Variants in RAPH1 observed in about 807,000 individuals in gnomAD.
RAPH1 encodes Ras association (RalGDS/AF-6) and pleckstrin homology domains 1, also known as ras-associated and pleckstrin homology domains-containing protein 1.
A neutral mutation model predicts 88.1 loss-of-function variants in RAPH1; 18 were observed. The observed-to-expected ratio is 0.20, with a 90% CI of 0.14 to 0.30. The LOEUF is 0.30. RAPH1 is among the 10% of genes least tolerant of loss of function. The pLI, the probability that RAPH1 is intolerant of heterozygous loss-of-function variation, is 1.00. For missense variants in RAPH1, 1,448 were observed against 1,543.2 expected, an observed-to-expected ratio of 0.94 and a Z score of 1.03; for synonymous variants, 587 against 559.0, an observed-to-expected ratio of 1.05 and a Z score of -0.71.
chr2:203,458,925 G>T (rs777135689), intron 7 of RAPH1, among the ~76,000 whole-genome samples: 3 of 152,050 alleles, frequency 2.0e-5, no homozygotes, highest in Non-Finnish European at 4.4e-5. Flanking sequence ...ACCACGCCCG[G>T]CTAATTTTTT....
intron 1 of RAPH1, among the ~76,000 whole-genome samples, chr2:203,525,933 G>C (rs367913246): frequency 6.6e-6 from 1 of 152,150 alleles, no homozygotes; most frequent in East Asian, 1.9e-4. Context: ...AAAGAAAACA[G>C]AGAGAAGGAA....
chr2:203,535,267 T>C lies in RAPH1; in HGVS notation c.-157A>G, dbSNP rs1209173735. ...CCGCGCCGCGCGCTCAGTGACTGAC[T>C]GACTGACTGACTGACTGACTGACTG... On this transcript the variant is annotated 5_prime_UTR_variant, in exon 1 of 14. Coordinates refer to ENST00000319170, the MANE Select transcript of RAPH1 (RefSeq NM_213589.3). 1.2e-4 allele frequency: 16 copies of C among 135,106 alleles called. No individual in the cohort carries two copies. The highest frequency in any genetic ancestry group is 3.5e-5 in the Non-Finnish European group (2 of 57,844). 8.4% of individuals were successfully genotyped at this position (135,106 alleles called of 1,614,324 possible).
chr2:203,450,828 A>C (rs2098514208), intron 10 of RAPH1, among the ~76,000 whole-genome samples: 1 of 152,012 alleles, frequency 6.6e-6, no homozygotes, highest in South Asian at 2.1e-4. Flanking sequence ...ACTTGACTGC[A>C]TAGGTGTTCA....
At chr2:203,500,271 G>A (rs143640628) in intron 1 of RAPH1, among the ~76,000 whole-genome samples, 3 of 152,330 alleles carry the variant, frequency 2.0e-5, no homozygotes, top group African/African-American at 4.8e-5. Flanking sequence ...GTGGAGACCT[G>A]AAGAGTGAAT....
Position 203,434,541 on chromosome 2 carries a change from C to A in RAPH1, c.*4896G>T. ...AAACATTCCAGTTAATGCTTATTTT[C>A]TAGAAGGGGTTATTTTACAAGTAGC... On this transcript the variant is annotated 3_prime_UTR_variant, in exon 14 of 14. Coordinates refer to ENST00000319170, the MANE Select transcript of RAPH1 (RefSeq NM_213589.3). The A allele has an allele frequency of 6.9e-6, 1 of 144,790 alleles. No individual in the cohort carries two copies. The highest frequency in any genetic ancestry group is 6.9e-5 in the Admixed American group (1 of 14,392). The allele number at this position is 144,790 out of a possible 1,614,324, so 9.0% of individuals were successfully genotyped here.
At chr2:203,518,635 C>G (rs1672624895) in intron 1 of RAPH1, among the ~76,000 whole-genome samples, 1 of 151,942 alleles carries the variant, frequency 6.6e-6, no homozygotes, top group African/African-American at 2.4e-5. Context: ...TGCTTGAGGC[C>G]AGGAGTTCAA....
rs1374870553 is a variant in RAPH1, at chr2:203,470,186, A to AAAAACAG, written c.733-8262_733-8261insCTGTTTT. On this transcript the variant is annotated intron_variant, in intron 4 of 13. Transcript: ENST00000319170. ...AAGAGCATGATCAAAAACAGAAATCATATTCTACCTACAAGGCAGTAAATA... is the reference window on the plus strand; with the variant it reads ...AAGAGCATGATCAAAAACAGAAATCAAAAACAGTATTCTACCTACAAGGCAGTAAATA... The AAAAACAG allele has an allele frequency of 1.4e-5, 16 of 1,169,294 alleles. No individual in the cohort carries two copies. The African/African-American group carries it at 2.2e-4, about 16-fold the overall frequency. The allele number at this position is 1,169,294 out of a possible 1,614,324, so 72.4% of individuals were successfully genotyped here. A position where few individuals can be genotyped will look rare whatever the true frequency, so the allele number is the denominator to read the frequency against.
chr2:203,500,829 G>A (rs1043575133), intron 1 of RAPH1, among the ~76,000 whole-genome samples: 2 of 152,076 alleles, frequency 1.3e-5, no homozygotes, highest in Non-Finnish European at 2.9e-5. Context: ...GGTACCATGA[G>A]GATCCATCAT....
rs1274059383 is a variant in RAPH1, at chr2:203,454,453, T to C, written c.1390A>G (p.Thr464Ala). 6 of 1,612,394 alleles carry C rather than the reference T, an allele frequency of 3.7e-6. No individual in the cohort carries two copies. The highest frequency in any genetic ancestry group is 5.1e-6 in the Non-Finnish European group (6 of 1,178,856). Residue 464 changes from threonine to alanine, a missense_variant, in exon 10 of 14, where the codon ACA becomes GCA. Transcript: ENST00000319170. ...QDYRNKYKAPTDYCLVLKHPQ... is the reference protein window; with the variant it reads ...QDYRNKYKAPADYCLVLKHPQ... Reference sequence around the variant, plus strand: ...ACCTTCAGCACCAGACAATAGTCTGTAGGTGCTTTGTATTTGTTCCGATAG... The same window carrying C: ...ACCTTCAGCACCAGACAATAGTCTGCAGGTGCTTTGTATTTGTTCCGATAG...
In RAPH1 at chr2:203,437,987, TTCTC is replaced by T; in HGVS notation, c.*1446_*1449del. 1 of 348,398 alleles carries T rather than the reference TTCTC, an allele frequency of 2.9e-6. No individual in the cohort carries two copies. The highest frequency in any genetic ancestry group is 5.7e-6 in the Non-Finnish European group (1 of 176,234). 21.6% of individuals were successfully genotyped at this position (348,398 alleles called of 1,614,324 possible). A position where few individuals can be genotyped will look rare whatever the true frequency, so the allele number is the denominator to read the frequency against. ...ATCATAAGTTGATGAGAGTACTTATTTCTCTCATGTACCAAGGAAAATTCACAGA... is the reference window on the plus strand; with the variant it reads ...ATCATAAGTTGATGAGAGTACTTATTTCATGTACCAAGGAAAATTCACAGA... On this transcript the variant is annotated 3_prime_UTR_variant, in exon 14 of 14. Coordinates refer to ENST00000319170, the MANE Select transcript of RAPH1 (RefSeq NM_213589.3).
At chr2:203,495,109 C>T (rs999008098) in intron 2 of RAPH1, 125 bp downstream of exon 2, 6 of 1,011,062 alleles carry the variant, frequency 5.9e-6, no homozygotes, top group Admixed American at 4.3e-5. Flanking sequence ...GTCAATACTT[C>T]GAACATTTCT....
At chr2:203,532,372 C>A (rs1442391860) in intron 1 of RAPH1, among the ~76,000 whole-genome samples, 1 of 152,176 alleles carries the variant, frequency 6.6e-6, no homozygotes, top group Non-Finnish European at 1.5e-5. Flanking sequence ...GAACTGTACA[C>A]TTAAAAATAG....
intron 13 of RAPH1, chr2:203,442,868 T>C (rs1259637167): frequency 6.6e-6 from 1 of 152,250 alleles, no homozygotes; most frequent in Non-Finnish European, 1.5e-5. Flanking sequence ...CACACGGATC[T>C]CACCATTAGT....
intron 4 of RAPH1, among the ~76,000 whole-genome samples, chr2:203,487,781 G>A (rs1041872742): frequency 3.3e-5 from 5 of 152,060 alleles, no homozygotes; most frequent in South Asian, 2.1e-4. Flanking sequence ...GATAAGATTC[G>A]CTTTCTTTGA....
chr2:203,466,187 C>T (rs1254421977), intron 4 of RAPH1, among the ~76,000 whole-genome samples: 1 of 152,160 alleles, frequency 6.6e-6, no homozygotes, highest in Non-Finnish European at 1.5e-5. Flanking sequence ...CCCTTGCTAG[C>T]AGCTTTTTGA....
intron 1 of RAPH1, among the ~76,000 whole-genome samples, chr2:203,529,053 T>C (rs12621137): frequency 0.082 from 10,766 of 130,690 alleles, 1,004 homozygotes; most frequent in African/African-American, 0.22. Flanking sequence ...CACTCTGTCA[T>C]TGCAGCCTTG....
intron 1 of RAPH1, among the ~76,000 whole-genome samples, chr2:203,506,733 GATATATATCTATATAT>G (rs1413641132): frequency 3.8e-5 from 4 of 106,274 alleles, no homozygotes; most frequent in East Asian, 2.5e-4. Flanking sequence ...TCCATATATA[GATATATATCTATATAT>G]ATATATATCT....
At chr2:203,523,148 C>T (rs1024073721) in intron 1 of RAPH1, among the ~76,000 whole-genome samples, 2 of 152,024 alleles carry the variant, frequency 1.3e-5, no homozygotes, top group Non-Finnish European at 2.9e-5. Context: ...AATCCCAGCA[C>T]TTTGGGAGGC....
intron 1 of RAPH1, chr2:203,533,578 T>C (rs751630044): frequency 3.9e-5 from 6 of 152,086 alleles, no homozygotes; most frequent in Non-Finnish European, 5.9e-5. Flanking sequence ...GCTGAAATCC[T>C]ACTCATCCTT....
Sources: allele counts gnomAD v4.1 joint callset (sites outside exome capture counted in the v4.1 genomes callset), GRCh38; gene constraint gnomAD v4.1.1; transcripts MANE v1.5; gene names NCBI Gene and HGNC (gene_info 2026-07-23, HGNC 2026-07-21).